The following THAP4 variants were observed in gnomAD, a reference collection of about 807,000 sequenced individuals.
THAP4 encodes THAP domain containing 4.
THAP4 carries 18 observed loss-of-function variants against 48.1 expected under a neutral mutation model. The observed-to-expected ratio is 0.37, with a 90% CI of 0.26 to 0.56. The LOEUF (loss-of-function observed/expected upper bound fraction) is 0.56, where lower values mean the gene tolerates loss of function less well. Ranked by LOEUF, THAP4 falls within the 20% of genes least tolerant of loss-of-function variation. The probability of loss-of-function intolerance (pLI) is 0.78; values close to 1 mark genes in which losing one functional copy is unlikely to be tolerated. For missense variants in THAP4, 656 were observed against 774.9 expected (o/e 0.85, Z 1.82); for synonymous variants, 345 against 324.9 (o/e 1.06, Z -0.66).
At chr2:241,622,096 G>A (rs34270446) in intron 2 of THAP4, among the ~76,000 whole-genome samples, 50,509 of 152,144 alleles carry the variant, frequency 0.33, 8,756 homozygotes, top group South Asian at 0.46. Flanking sequence ...TTACGCGGGC[G>A]CGGTGGCTCA....
chr2:241,625,239 C>G (rs1390034029), intron 2 of THAP4, among the ~76,000 whole-genome samples: 1 of 152,060 alleles, frequency 6.6e-6, no homozygotes, highest in Non-Finnish European at 1.5e-5. Flanking sequence ...CTTTCAGAGG[C>G]CAAGCTGGGA....
chr2:241,611,232 C>T (rs1201030217), intron 2 of THAP4, among the ~76,000 whole-genome samples: 1 of 152,116 alleles, frequency 6.6e-6, no homozygotes, highest in Non-Finnish European at 1.5e-5. Flanking sequence ...GTGGGGAGCC[C>T]TGGACTTGGG....
intron 2 of THAP4, among the ~76,000 whole-genome samples, chr2:241,609,165 G>C (rs763342384): frequency 3.3e-5 from 5 of 152,254 alleles, no homozygotes; most frequent in Admixed American, 6.5e-5. Context: ...AGGTGGCCGT[G>C]GTGGAGGCAG....
At chr2:241,630,669 C>G (rs1027153276) in intron 2 of THAP4, among the ~76,000 whole-genome samples, 1 of 151,944 alleles carries the variant, frequency 6.6e-6, no homozygotes, top group African/African-American at 2.4e-5. Context: ...ATCCCAGCTA[C>G]TCGGGAGGCT....
Position 241,616,011 on chromosome 2 carries a change from A to T in THAP4, c.1241-9538T>A, listed in dbSNP as rs2067340976. Among the ~76,000 whole-genome samples the T allele has an allele frequency of 6.6e-6, 1 of 152,180 alleles. No individual in the cohort carries two copies. The highest frequency in any genetic ancestry group is 2.4e-5 in the African/African-American group (1 of 41,444). On this transcript the variant is annotated intron_variant, in intron 2 of 5. Coordinates refer to ENST00000407315, the MANE Select transcript of THAP4 (RefSeq NM_015963.6). The surrounding 1 kb of genome is among the most constrained non-coding windows in gnomAD (Gnocchi z 4.6). Reference sequence around the variant, plus strand: ...CACTCTGCCCCAGTCCTGCAGCTGGAGCAGCCCAGAGCCCCTGCCACAAGA... The same window carrying T: ...CACTCTGCCCCAGTCCTGCAGCTGGTGCAGCCCAGAGCCCCTGCCACAAGA...
At chr2:241,584,830 C>T in intron 5 of THAP4, 105 bp from the exon 6 acceptor site, 1 of 1,436,402 alleles carries the variant, frequency 7.0e-7, no homozygotes, top group South Asian at 1.2e-5. Flanking sequence ...GGCTGTGAGC[C>T]AGGCAGTGGC....
intron 5 of THAP4, among the ~76,000 whole-genome samples, chr2:241,593,946 A>G (rs2067018273): frequency 6.6e-6 from 1 of 152,186 alleles, no homozygotes; most frequent in African/African-American, 2.4e-5. Flanking sequence ...CAGCCCCACA[A>G]AGTGTTGGGA....
chr2:241,629,306 CA>C (rs2067530382), intron 2 of THAP4, among the ~76,000 whole-genome samples: 1 of 151,540 alleles, frequency 6.6e-6, no homozygotes, highest in Non-Finnish European at 1.5e-5. Flanking sequence ...CCTATTGCTA[CA>C]AAAAATTTTA....
intron 5 of THAP4, among the ~76,000 whole-genome samples, chr2:241,588,584 A>G (rs1354891315): frequency 6.6e-6 from 1 of 152,256 alleles, no homozygotes; most frequent in Non-Finnish European, 1.5e-5. Flanking sequence ...ACCGAAACAG[A>G]GAAGAGTGGG....
At chr2:241,608,289 C>G (rs974271305) in intron 2 of THAP4, among the ~76,000 whole-genome samples, 2 of 152,200 alleles carry the variant, frequency 1.3e-5, no homozygotes, top group African/African-American at 4.8e-5. Context: ...TGCCTGCTGG[C>G]TGCACAGGGC....
At chr2:241,603,977 G>A (rs1247482643) in intron 3 of THAP4, among the ~76,000 whole-genome samples, 2 of 146,926 alleles carry the variant, frequency 1.4e-5, no homozygotes, top group Non-Finnish European at 3.0e-5. Context: ...CACAGACCCT[G>A]TTTCTACAAA....
At chr2:241,631,642 T>A (rs1324626424) in intron 2 of THAP4, among the ~76,000 whole-genome samples, 1 of 152,038 alleles carries the variant, frequency 6.6e-6, no homozygotes, top group Non-Finnish European at 1.5e-5. Context: ...ATTTTTAAAT[T>A]ATTTATAGAG....
chr2:241,631,516 AG>A (rs1446011917), intron 2 of THAP4, among the ~76,000 whole-genome samples: 4 of 152,352 alleles, frequency 2.6e-5, no homozygotes, highest in African/African-American at 9.6e-5. Flanking sequence ...CCTAGGCTGG[AG>A]TACAGTGGTG....
chr2:241,594,614 C>G (rs908592112), intron 5 of THAP4: 1 of 352,852 alleles, frequency 2.8e-6, no homozygotes, highest in East Asian at 8.9e-5. Context: ...CAACAAAAAC[C>G]GGGCATGCTG....
intron 5 of THAP4, among the ~76,000 whole-genome samples, chr2:241,586,557 G>C (rs1349607288): frequency 6.6e-6 from 1 of 151,988 alleles, no homozygotes; most frequent in Non-Finnish European, 1.5e-5. Context: ...AAGATCAAAA[G>C]AAAAAACAGG....
chr2:241,598,170 C>G (rs561963056), intron 5 of THAP4, among the ~76,000 whole-genome samples: 6 of 152,128 alleles, frequency 3.9e-5, no homozygotes, highest in African/African-American at 7.2e-5. Flanking sequence ...TGCAGGAGAA[C>G]ATGAATTTGC....
intron 5 of THAP4, among the ~76,000 whole-genome samples, chr2:241,597,552 C>G (rs1352671863): frequency 1.3e-5 from 2 of 152,202 alleles, no homozygotes; most frequent in East Asian, 1.9e-4. Flanking sequence ...TGGCTACAAA[C>G]AAAGTCCCAG....
chr2:241,607,689 G>T, intron 2 of THAP4, among the ~76,000 whole-genome samples: 2 of 145,190 alleles, frequency 1.4e-5, no homozygotes, highest in Admixed American at 6.9e-5. Flanking sequence ...CTCCAGGCCC[G>T]CGCAAGCAGA....
At chr2:241,623,109 A>T (rs1246365231) in intron 2 of THAP4, among the ~76,000 whole-genome samples, 1 of 152,074 alleles carries the variant, frequency 6.6e-6, no homozygotes, top group African/African-American at 2.4e-5. Flanking sequence ...CCAGCTACTC[A>T]GGAGGCTAAG....
Sources: gnomAD v4.1 joint callset for allele counts (sites outside exome capture counted in the v4.1 genomes callset) on GRCh38, gnomAD v4.1.1 for gene constraint, Gnocchi (gnomAD v3.1) non-coding constraint, MANE v1.5 for transcripts, NCBI Gene and HGNC (gene_info 2026-07-23, HGNC 2026-07-21) for gene names.